Variants in ADAM22 observed in about 807,000 individuals in gnomAD.
The protein encoded by ADAM22 is ADAM metallopeptidase domain 22.
Under a neutral mutation model 144.6 loss-of-function variants are expected in ADAM22, and 65 were observed. That is an observed-to-expected ratio of 0.45 (90% CI 0.37 to 0.55). The LOEUF (loss-of-function observed/expected upper bound fraction) is 0.55, where lower values mean the gene tolerates loss of function less well. Among genes scored for constraint, ADAM22 ranks in the 20% least tolerant of loss-of-function variants. The pLI is 0.00. For missense variants in ADAM22, 974 were observed against 1,184.9 expected (o/e 0.82, Z 2.61); for synonymous variants, 391 against 412.6 (o/e 0.95, Z 0.63).
rs998492037 is a variant in ADAM22, at chr7:88,155,804, CTAAAATGAGAGAAGATTATTCTAACTG to C, written c.1788-80_1788-54del. The C allele has an allele frequency of 2.7e-5, 40 of 1,492,892 alleles. 1 individual carries two copies. The highest frequency in any genetic ancestry group is 2.6e-4 in the East Asian group (11 of 42,588). The allele number at this position is 1,492,892 out of a possible 1,614,324, so 92.5% of individuals were successfully genotyped here. A position where few individuals can be genotyped will look rare whatever the true frequency, so the allele number is the denominator to read the frequency against. On this transcript the variant is annotated intron_variant, in intron 21 of 31. Transcript: ENST00000413139. Reference sequence around the variant, plus strand: ...TAATATACTTGATGAAAACCAAATGCTAAAATGAGAGAAGATTATTCTAACTGTACATGGTTTGCTATATATTTGGGA... The same window carrying C: ...TAATATACTTGATGAAAACCAAATGCTACATGGTTTGCTATATATTTGGGA...
At chr7:87,982,406 G>A (rs1853774910) in intron 3 of ADAM22, among the ~76,000 whole-genome samples, 1 of 151,690 alleles carries the variant, frequency 6.6e-6, no homozygotes, top group African/African-American at 2.4e-5. Flanking sequence ...GGAACAGCAA[G>A]GGTCTGGGCC....
Position 88,112,742 on chromosome 7 carries a change from C to G in ADAM22, c.474-1842C>G, listed in dbSNP as rs1456189872. 2.6e-5 allele frequency among the ~76,000 whole-genome samples: 4 copies of G among 152,318 alleles called. No homozygotes were observed. In the East Asian group the frequency reaches 7.7e-4, roughly 29 times the overall value. ...TTTTAAAGAAATATAGGGTCTTGCT[C>G]TGTCACCCAGGCTGGAGTACAGTGG... On this transcript the variant is annotated intron_variant, in intron 5 of 31. Transcript: ENST00000413139.
chr7:88,125,259 G>A (rs1350333899), intron 7 of ADAM22, among the ~76,000 whole-genome samples: 2 of 151,882 alleles, frequency 1.3e-5, no homozygotes, highest in Admixed American at 1.3e-4. Flanking sequence ...TTATTTTGCT[G>A]CCTCTAGAAG....
At chr7:87,998,080 G>A (rs1236554123) in intron 3 of ADAM22, among the ~76,000 whole-genome samples, 1 of 152,174 alleles carries the variant, frequency 6.6e-6, no homozygotes, top group Non-Finnish European at 1.5e-5. Flanking sequence ...GATGTTTGAA[G>A]GCAGGAAGCA....
intron 3 of ADAM22, among the ~76,000 whole-genome samples, chr7:87,982,701 T>TATATATATATATATATATA (rs1554373733): frequency 5.9e-5 from 2 of 33,802 alleles, no homozygotes; most frequent in African/African-American, 1.3e-4. Context: ...ATATATATAA[T>TATATATATATATATATATA]TTTTTTTTTT....
intron 12 of ADAM22, among the ~76,000 whole-genome samples, chr7:88,133,748 G>A (rs1359653374): frequency 6.6e-6 from 1 of 152,080 alleles, no homozygotes; most frequent in East Asian, 1.9e-4. Flanking sequence ...TACTCCTAAG[G>A]CACTAAACCT....
chr7:88,061,679 G>A (rs538804823), intron 3 of ADAM22, among the ~76,000 whole-genome samples: 1 of 152,168 alleles, frequency 6.6e-6, no homozygotes, highest in Admixed American at 6.5e-5. Flanking sequence ...TGTCATCCAG[G>A]CTTTGTTGTT....
At position 87,977,210 on chromosome 7, in the gene ADAM22, G is replaced by A. The variant is rs1421607500; in HGVS notation, c.247-1126G>A. Among the ~76,000 whole-genome samples the A allele has an allele frequency of 2.6e-5, 4 of 152,256 alleles. No individual in the cohort carries two copies. In the South Asian group the frequency reaches 6.2e-4, roughly 24 times the overall value. On this transcript the variant is annotated intron_variant, in intron 2 of 31. Transcript: ENST00000413139. ...TAGGAGGATAGACTTTAAAACAGAAGAATTATCCTTTCTTTCCAAAAAGTC... is the reference window on the plus strand; with the variant it reads ...TAGGAGGATAGACTTTAAAACAGAAAAATTATCCTTTCTTTCCAAAAAGTC...
chr7:88,011,550 A>AG (rs1422600778), intron 3 of ADAM22, among the ~76,000 whole-genome samples: 1 of 152,086 alleles, frequency 6.6e-6, no homozygotes, highest in Non-Finnish European at 1.5e-5. Flanking sequence ...AAAAAAAAAA[A>AG]AAAAAGAAAA....
chr7:87,982,396 G>C (rs1853772184), intron 3 of ADAM22, among the ~76,000 whole-genome samples: 1 of 151,500 alleles, frequency 6.6e-6, no homozygotes, highest in African/African-American at 2.4e-5. Context: ...CCATGCAGAG[G>C]GAACAGCAAG....
At chr7:88,146,361 A>G (rs540893436) in intron 17 of ADAM22, among the ~76,000 whole-genome samples, 1 of 152,360 alleles carries the variant, frequency 6.6e-6, no homozygotes, top group Admixed American at 6.5e-5. Flanking sequence ...ATGGGATATG[A>G]AACTATCATA....
At chr7:88,133,398 A>G (rs565905085) in intron 12 of ADAM22, among the ~76,000 whole-genome samples, 11 of 151,224 alleles carry the variant, frequency 7.3e-5, no homozygotes, top group Admixed American at 1.3e-4. Flanking sequence ...AAATAAATAA[A>G]TAAAATTAAA....
chr7:87,957,089 C>T (rs1846966940), intron 2 of ADAM22, among the ~76,000 whole-genome samples: 2 of 152,194 alleles, frequency 1.3e-5, no homozygotes. Flanking sequence ...TACAGGATTC[C>T]TCACAGGTAA....
intron 2 of ADAM22, among the ~76,000 whole-genome samples, chr7:87,940,312 A>T (rs1842237192): frequency 6.6e-6 from 1 of 152,012 alleles, no homozygotes; most frequent in South Asian, 2.1e-4. Context: ...TAGTTATTAT[A>T]TGTCAATTTT....
intron 2 of ADAM22, among the ~76,000 whole-genome samples, chr7:87,945,895 A>C (rs1330776334): frequency 6.6e-6 from 1 of 152,200 alleles, no homozygotes; most frequent in Non-Finnish European, 1.5e-5. Context: ...TTTTGGATGT[A>C]TATCCAGTAA....
intron 4 of ADAM22, chr7:88,089,885 C>T (rs1179340216): frequency 6.6e-6 from 1 of 152,096 alleles, no homozygotes; most frequent in African/African-American, 2.4e-5. Context: ...TTTTAAGGGC[C>T]GGCTGATGGG....
intron 26 of ADAM22, among the ~76,000 whole-genome samples, chr7:88,173,390 T>C (rs1398165974): frequency 6.6e-6 from 1 of 151,942 alleles, no homozygotes; most frequent in African/African-American, 2.4e-5. Context: ...AACACAACCT[T>C]TTTTTTGTCC....
intron 23 of ADAM22, 34 bp from the exon 24 acceptor site, chr7:88,165,798 T>C: frequency 1.4e-6 from 2 of 1,459,370 alleles, no homozygotes; most frequent in South Asian, 2.4e-5. Context: ...TACCAGAGAG[T>C]TGACATTTAC....
intron 29 of ADAM22, among the ~76,000 whole-genome samples, chr7:88,183,708 A>G (rs1404685755): frequency 6.6e-6 from 1 of 151,830 alleles, no homozygotes; most frequent in Non-Finnish European, 1.5e-5. Context: ...GATTTTTCAG[A>G]CTTTTCTGAT....
Sources: allele counts gnomAD v4.1 joint callset (sites outside exome capture counted in the v4.1 genomes callset), GRCh38; gene constraint gnomAD v4.1.1; transcripts MANE v1.5; gene names NCBI Gene and HGNC (gene_info 2026-07-23, HGNC 2026-07-21).